The following EDC3 variants were observed in gnomAD, a reference collection of about 807,000 sequenced individuals.
EDC3 encodes the protein enhancer of mRNA decapping 3, also known as enhancer of mRNA-decapping protein 3.
EDC3 carries 20 observed loss-of-function variants against 41.8 expected under a neutral mutation model. The ratio of observed to expected loss-of-function variants is 0.48; its 90% CI spans 0.34 to 0.70. The LOEUF (loss-of-function observed/expected upper bound fraction) is 0.70, where lower values mean the gene tolerates loss of function less well. EDC3 is among the 30% of genes least tolerant of loss of function. The pLI is 0.01. For missense variants in EDC3, 444 were observed against 636.8 expected, an observed-to-expected ratio of 0.70 and a Z score of 3.26; for synonymous variants, 206 against 243.2, an observed-to-expected ratio of 0.85 and a Z score of 1.42.
At chr15:74,684,091 T>G (rs2062907910) in intron 1 of EDC3, among the ~76,000 whole-genome samples, 1 of 148,888 alleles carries the variant, frequency 6.7e-6, no homozygotes, top group Non-Finnish European at 1.5e-5. Flanking sequence ...TCTGTTTTTT[T>G]TTTTTTTTTT....
chr15:74,682,159 T>C (rs1299442584), intron 1 of EDC3, among the ~76,000 whole-genome samples: 1 of 152,126 alleles, frequency 6.6e-6, no homozygotes, highest in South Asian at 2.1e-4. Flanking sequence ...TTAAAAAAAC[T>C]AAACATGCAA....
rs143366489 is a variant in EDC3, at chr15:74,640,564, G to A, written c.876C>T (p.Ser292=). 24 of 1,614,144 alleles carry A rather than the reference G, an allele frequency of 1.5e-5. No homozygotes were observed. The highest frequency in any genetic ancestry group is 1.3e-4 in the African/African-American group (10 of 75,022). ...ISYELHKKLL[S]VAEKHGLTLE... is the part of the protein sequence containing the mutation. Reference sequence around the variant, plus strand: ...GGGTCAGCCCATGCTTCTCAGCCACGGACAACAGCTTTTTATGCAGCTCAT... The same window carrying A: ...GGGTCAGCCCATGCTTCTCAGCCACAGACAACAGCTTTTTATGCAGCTCAT... Residue 292 remains serine, a synonymous_variant, in exon 5 of 7, where the codon TCC becomes TCT. Coordinates refer to ENST00000315127, the MANE Select transcript of EDC3 (RefSeq NM_025083.5).
At chr15:74,657,844 A>G (rs1445574925) in intron 3 of EDC3, among the ~76,000 whole-genome samples, 1 of 152,180 alleles carries the variant, frequency 6.6e-6, no homozygotes, top group Non-Finnish European at 1.5e-5. Flanking sequence ...CTTTCTTTAG[A>G]CCTTTCGGTT....
intron 3 of EDC3, among the ~76,000 whole-genome samples, chr15:74,667,798 G>A (rs189710944): frequency 5.9e-5 from 9 of 152,212 alleles, no homozygotes; most frequent in East Asian, 1.9e-4. Context: ...AGGAATCTCT[G>A]GCATAAAAGA....
intron 4 of EDC3, chr15:74,643,459 C>T (rs1011577439): frequency 3.9e-5 from 6 of 152,172 alleles, no homozygotes; most frequent in African/African-American, 1.4e-4. Context: ...AGGAAGACAA[C>T]AAGTACACTC....
At chr15:74,683,920 G>C (rs952835998) in intron 1 of EDC3, among the ~76,000 whole-genome samples, 1 of 152,032 alleles carries the variant, frequency 6.6e-6, no homozygotes, top group Admixed American at 6.6e-5. Context: ...GCCAGGCATG[G>C]TGGCTCACAC....
intron 4 of EDC3, chr15:74,640,863 G>A (rs2062343055): frequency 7.7e-6 from 4 of 516,818 alleles, no homozygotes; most frequent in Non-Finnish European, 1.4e-5. Context: ...AGCTCCCTTA[G>A]CAATTTAGCT....
At chr15:74,669,870 G>A (rs1245174174) in intron 3 of EDC3, among the ~76,000 whole-genome samples, 2 of 152,050 alleles carry the variant, frequency 1.3e-5, no homozygotes, top group African/African-American at 4.8e-5. Flanking sequence ...TTTTGAGACA[G>A]TCTCACACTG....
chr15:74,662,309 T>C (rs1046575423), intron 3 of EDC3, among the ~76,000 whole-genome samples: 2 of 152,096 alleles, frequency 1.3e-5, no homozygotes, highest in Admixed American at 6.5e-5. Context: ...CCAAGGAGTT[T>C]ATAAGCCAAC....
chr15:74,641,663 A>G (rs531508749), intron 4 of EDC3: 1 of 152,848 alleles, frequency 6.5e-6, no homozygotes, highest in Non-Finnish European at 1.5e-5. Context: ...GCAGATTCCA[A>G]TCAGCAAGCC....
chr15:74,643,219 A>T (rs2062374676), intron 4 of EDC3: 1 of 152,224 alleles, frequency 6.6e-6, no homozygotes, highest in African/African-American at 2.4e-5. Context: ...ATTGCAAACA[A>T]CAACACTGCC....
Position 74,671,631 on chromosome 15 carries a change from A to G in EDC3, c.308T>C (p.Phe103Ser), listed in dbSNP as rs1167719008. Residue 103 changes from phenylalanine (F) to serine (S), a missense_variant, in exon 3 of 7, where the codon TTT becomes TCT. Coordinates refer to ENST00000315127, the MANE Select transcript of EDC3 (RefSeq NM_025083.5). This position sits in a 1 kb window ranked among gnomAD's most constrained non-coding sequence, Gnocchi z 4.6. The stretch of plus-strand genomic sequence containing the variant: ...GCTGGAAGAGGCTGGCTTCTTGACA[A>G]ACTTGCCTGTGCCATTCTGATTGAT... ...VGINQNGTGK[F>S]VKKPASSSSA... The G allele has an allele frequency of 6.2e-7, 1 of 1,614,142 alleles. No homozygotes were observed. The highest frequency in any genetic ancestry group is 1.3e-5 in the African/African-American group (1 of 75,036).
rs768505831 is a variant in EDC3, at chr15:74,640,514, C to A, written c.926G>T (p.Gly309Val). 1 of 1,614,206 alleles carries A rather than the reference C, an allele frequency of 6.2e-7. No homozygotes were observed. Among genetic ancestry groups the A allele is most frequent in the Non-Finnish European group, 8.5e-7 (1 of 1,180,038 alleles). ...LTLERRLEMT[G>V]VCASQMALTL... ...CAGTGCCATCTGACTGGCACACACA[C>A]CTGTCATCTCCAGTCTCCGCTCAAG... The change falls in exon 5 of 7, where the codon GGT (glycine) becomes GTT (valine). Residue 309 changes from glycine (G) to valine (V), a missense_variant. This residue lies in a region of EDC3 where 242 missense variants were observed against 363.8 expected (regional missense o/e 0.67). Coordinates refer to ENST00000315127, the MANE Select transcript of EDC3 (RefSeq NM_025083.5).
intron 1 of EDC3, among the ~76,000 whole-genome samples, chr15:74,675,745 G>C (rs2141658458): frequency 6.6e-6 from 1 of 151,922 alleles, no homozygotes; most frequent in South Asian, 2.1e-4. Context: ...GCCAGGCGTG[G>C]TGGCGGGTGC....
At chr15:74,688,029 T>A (rs1163319214) in intron 1 of EDC3, among the ~76,000 whole-genome samples, 5 of 152,260 alleles carry the variant, frequency 3.3e-5, no homozygotes, top group African/African-American at 4.8e-5. Flanking sequence ...TAAGTGTTCT[T>A]CTATGTAGTT....
intron 3 of EDC3, among the ~76,000 whole-genome samples, chr15:74,668,729 T>TGAAAGAAAGAAAGAAAGAAACAAAGAAA (rs2062705767): frequency 7.1e-6 from 1 of 140,236 alleles, no homozygotes; most frequent in African/African-American, 2.8e-5. Flanking sequence ...CAAAAATGAA[T>TGAAAGAAAGAAAGAAAGAAACAAAGAAA]GAAAGAAAGA....
chr15:74,642,874 C>A (rs912314179), intron 4 of EDC3: 2 of 152,250 alleles, frequency 1.3e-5, no homozygotes, highest in Non-Finnish European at 2.9e-5. Flanking sequence ...AGACATCACC[C>A]CCCACCGGCT....
chr15:74,640,741 C>T (rs990116538), intron 4 of EDC3, 122 bp from the exon 5 acceptor site: 7 of 1,259,996 alleles, frequency 5.6e-6, no homozygotes, highest in African/African-American at 4.5e-5. Flanking sequence ...CTGGCCCATC[C>T]TCTTCATCTT....
chr15:74,687,541 C>A (rs1257453316), intron 1 of EDC3, among the ~76,000 whole-genome samples: 2 of 152,154 alleles, frequency 1.3e-5, no homozygotes, highest in East Asian at 3.9e-4. Flanking sequence ...CCACACCCAG[C>A]TAATTTTTGT....
Sources: allele counts gnomAD v4.1 joint callset (sites outside exome capture counted in the v4.1 genomes callset), GRCh38; gene constraint gnomAD v4.1.1; regional missense constraint gnomAD v4.1.1; non-coding constraint Gnocchi (gnomAD v3.1); transcripts MANE v1.5; gene names NCBI Gene and HGNC (gene_info 2026-07-23, HGNC 2026-07-21).